The following CAMKMT variants were observed in gnomAD, a reference collection of about 807,000 sequenced individuals.
The protein encoded by CAMKMT is calmodulin-lysine N-methyltransferase.
CAMKMT carries 53 observed loss-of-function variants against 48.0 expected under a neutral mutation model. The ratio of observed to expected loss-of-function variants is 1.10; its 90% CI spans 0.89 to 1.39. The LOEUF (loss-of-function observed/expected upper bound fraction) is 1.39, where lower values mean the gene tolerates loss of function less well. Ranked by LOEUF, CAMKMT falls within the 40% of genes most tolerant of loss-of-function variation. The pLI is 0.00. For synonymous variants in CAMKMT, 165 were observed against 152.3 expected (o/e 1.08, Z -0.61); for missense variants, 428 against 402.7 (o/e 1.06, Z -0.54).
chr2:44,545,925 A>G (rs1667370512), intron 3 of CAMKMT, among the ~76,000 whole-genome samples: 1 of 152,092 alleles, frequency 6.6e-6, no homozygotes, highest in Admixed American at 6.6e-5. Flanking sequence ...TTTGATGAAC[A>G]AGCTATAAGA....
intron 3 of CAMKMT, among the ~76,000 whole-genome samples, chr2:44,560,483 G>A (rs1668264698): frequency 6.6e-6 from 1 of 152,006 alleles, no homozygotes; most frequent in South Asian, 2.1e-4. Flanking sequence ...TATTGCCCAG[G>A]CAGGTCTCGA....
intron 3 of CAMKMT, among the ~76,000 whole-genome samples, chr2:44,527,119 G>A (rs1385594078): frequency 7.0e-6 from 1 of 143,570 alleles, no homozygotes; most frequent in Non-Finnish European, 1.5e-5. Context: ...CTAAGACAGG[G>A]TCTTGCTCTG....
intron 3 of CAMKMT, among the ~76,000 whole-genome samples, chr2:44,611,681 G>A (rs111365590): frequency 0.012 from 1,868 of 152,018 alleles, 26 homozygotes; most frequent in African/African-American, 0.037. Flanking sequence ...CTAAGAGTGG[G>A]TAATTTATAA....
intron 3 of CAMKMT, among the ~76,000 whole-genome samples, chr2:44,443,920 T>G (rs1256955053): frequency 1.3e-5 from 2 of 151,426 alleles, no homozygotes; most frequent in African/African-American, 4.9e-5. Context: ...ATGAAACAAA[T>G]AAAGAAAAAG....
chr2:44,627,565 A>G (rs968115123), intron 3 of CAMKMT, among the ~76,000 whole-genome samples: 1 of 152,088 alleles, frequency 6.6e-6, no homozygotes, highest in Non-Finnish European at 1.5e-5. Context: ...TTAAATAGAC[A>G]TAGGCCTCTT....
intron 3 of CAMKMT, among the ~76,000 whole-genome samples, chr2:44,529,316 G>C (rs1666341869): frequency 6.6e-6 from 1 of 152,044 alleles, no homozygotes; most frequent in South Asian, 2.1e-4. Flanking sequence ...TTTAAAAATT[G>C]TATCACTTAA....
At chr2:44,765,966 G>C (rs565989207) in intron 9 of CAMKMT, among the ~76,000 whole-genome samples, 9 of 152,238 alleles carry the variant, frequency 5.9e-5, no homozygotes, top group African/African-American at 2.2e-4. Context: ...GGATTTCTTG[G>C]TACTGAATTT....
At chr2:44,599,973 C>CT (rs1353998427) in intron 3 of CAMKMT, among the ~76,000 whole-genome samples, 1 of 151,950 alleles carries the variant, frequency 6.6e-6, no homozygotes, top group African/African-American at 2.4e-5. Context: ...TTTTAAAGTA[C>CT]TTTATTTTGC....
intron 8 of CAMKMT, 108 bp downstream of exon 8, chr2:44,743,804 C>G: frequency 1.4e-6 from 1 of 739,278 alleles, no homozygotes; most frequent in Non-Finnish European, 2.3e-6. Flanking sequence ...AAATGAAGCA[C>G]AAAGCCACCT....
At chr2:44,426,969 T>C (rs770065872) in intron 3 of CAMKMT, among the ~76,000 whole-genome samples, 14 of 151,994 alleles carry the variant, frequency 9.2e-5, no homozygotes, top group South Asian at 2.1e-4. Context: ...GGTACAAAAA[T>C]AGACACATAG....
At chr2:44,619,504 T>TTTATATATA (rs1672065505) in intron 3 of CAMKMT, among the ~76,000 whole-genome samples, 1 of 152,222 alleles carries the variant, frequency 6.6e-6, no homozygotes, top group Non-Finnish European at 1.5e-5. Context: ...CATATGTGTG[T>TTTATATATA]GTATATATAA....
At chr2:44,569,245 T>G (rs1668778811) in intron 3 of CAMKMT, among the ~76,000 whole-genome samples, 1 of 152,174 alleles carries the variant, frequency 6.6e-6, no homozygotes, top group African/African-American at 2.4e-5. Flanking sequence ...TTTTCAAAAG[T>G]TCTAAGTTCA....
intron 8 of CAMKMT, among the ~76,000 whole-genome samples, chr2:44,747,825 A>G (rs1404015440): frequency 6.6e-6 from 1 of 152,232 alleles, no homozygotes; most frequent in Non-Finnish European, 1.5e-5. Context: ...ATTCAGATCA[A>G]TGGAAGAAAG....
intron 7 of CAMKMT, among the ~76,000 whole-genome samples, chr2:44,725,143 C>CATGTGT (rs549860357): frequency 1.4e-5 from 2 of 140,556 alleles, no homozygotes; most frequent in Non-Finnish European, 3.1e-5. Flanking sequence ...GCTTTCTGGA[C>CATGTGT]GTGTGTGTGT....
rs530822412 is a variant in CAMKMT, at chr2:44,724,835, G to C, written c.623+9482G>C. Among the ~76,000 whole-genome samples the C allele has an allele frequency of 4.6e-5, 7 of 152,244 alleles. No homozygotes were observed. The South Asian group carries it at 1.2e-3, about 27-fold the overall frequency. On this transcript the variant is annotated intron_variant, in intron 7 of 10. Transcript: ENST00000378494. ...CAACAAGAAGCACATATCGGAGGTGGACAGGCCTGAGGGGATAGTCCAACC... is the reference window on the plus strand; with the variant it reads ...CAACAAGAAGCACATATCGGAGGTGCACAGGCCTGAGGGGATAGTCCAACC...
chr2:44,636,490 C>T (rs1673144655), intron 3 of CAMKMT, among the ~76,000 whole-genome samples: 1 of 152,168 alleles, frequency 6.6e-6, no homozygotes, highest in Admixed American at 6.5e-5. Context: ...ACCAGTGTAA[C>T]TTAGGTGCAG....
chr2:44,483,364 G>A (rs1352941684), intron 3 of CAMKMT, among the ~76,000 whole-genome samples: 1 of 152,030 alleles, frequency 6.6e-6, no homozygotes, highest in African/African-American at 2.4e-5. Context: ...TGAGGTATAG[G>A]GATCCAACAG....
intron 3 of CAMKMT, among the ~76,000 whole-genome samples, chr2:44,537,775 C>A (rs975606149): frequency 1.3e-5 from 2 of 152,176 alleles, no homozygotes; most frequent in African/African-American, 4.8e-5. Flanking sequence ...GTTGTCCTGG[C>A]TGTTCTTGAA....
chr2:44,615,956 G>A, intron 3 of CAMKMT, among the ~76,000 whole-genome samples: 1 of 152,118 alleles, frequency 6.6e-6, no homozygotes, highest in Non-Finnish European at 1.5e-5. Flanking sequence ...CTGAATTACA[G>A]CCTATTCTCT....
Sources: allele counts gnomAD v4.1 joint callset (sites outside exome capture counted in the v4.1 genomes callset), GRCh38; gene constraint gnomAD v4.1.1; transcripts MANE v1.5; gene names NCBI Gene and HGNC (gene_info 2026-07-23, HGNC 2026-07-21).